SLC25A41: variants seen among roughly 807,000 people sequenced by gnomAD.
The protein encoded by SLC25A41 is mitochondrial carrier protein SCaMC-3L.
SLC25A41 carries 35 observed loss-of-function variants against 34.7 expected under a neutral mutation model. That is an observed-to-expected ratio of 1.01 (90% CI 0.77 to 1.34). SLC25A41 has a LOEUF of 1.34. SLC25A41 is among the 40% of genes most tolerant of loss of function. SLC25A41 has a pLI of 0.00. For synonymous variants in SLC25A41, 190 were observed against 209.9 expected, an observed-to-expected ratio of 0.91 and a Z score of 0.82; for missense variants, 492 against 489.8, an observed-to-expected ratio of 1.00 and a Z score of -0.04.
At position 6,427,197 on chromosome 19, in the gene SLC25A41, G is replaced by A; in HGVS notation, c.846C>T (p.Gly282=). 1 of 1,612,610 alleles carries A rather than the reference G, an allele frequency of 6.2e-7. No individual in the cohort carries two copies. The highest frequency in any genetic ancestry group is 2.2e-5 in the East Asian group (1 of 44,872). Residue 282 remains glycine, a synonymous_variant, in exon 6 of 7, where the codon GGC becomes GGT. Coordinates refer to ENST00000321510, the MANE Select transcript of SLC25A41 (RefSeq NM_173637.4). The surrounding 1 kb of genome is among the most constrained non-coding windows in gnomAD (Gnocchi z 4.9). ...GCGTCACAGACGACAGACTGACCAG[G>A]CCACTGGGGTCCCCCATATCCCTGC... ...KSGRDMGDPS[G]LVSLSSVTLS... is the part of the protein sequence containing the mutation.
chr19:6,429,165 A>ATATATATTATATATATGT (rs2092267559), intron 4 of SLC25A41, among the ~76,000 whole-genome samples: 1 of 7,172 alleles, frequency 1.4e-4, no homozygotes, highest in African/African-American at 5.8e-4. Flanking sequence ...TATATATATA[A>ATATATATTATATATATGT]TATATATATA....
At chr19:6,431,584 C>T (rs1391960196) in intron 2 of SLC25A41, among the ~76,000 whole-genome samples, 1 of 151,946 alleles carries the variant, frequency 6.6e-6, no homozygotes, top group African/African-American at 2.4e-5. Context: ...GGACTACAGG[C>T]ACGCACCACC....
intron 4 of SLC25A41, among the ~76,000 whole-genome samples, chr19:6,429,102 TATATATA>T (rs2092262701): frequency 3.9e-5 from 2 of 50,834 alleles, no homozygotes; most frequent in African/African-American, 1.6e-4. Flanking sequence ...ATGTTACATA[TATATATA>T]ATATATATAT....
At position 6,427,120 on chromosome 19, in the gene SLC25A41, G is replaced by A. The variant is rs573470097; in HGVS notation, c.923C>T (p.Thr308Ile). ...AGGCTGACCTTGGGCCTGCATCCTG[G>A]TGCGCACCAGAGTCAGTGGGTAGCT... ...MASYPLTLVR[T>I]RMQAQDTVEG... The change falls in exon 6 of 7, where the codon ACC (threonine) becomes ATC (isoleucine). Residue 308 changes from threonine (T) to isoleucine (I), a missense_variant. Coordinates refer to ENST00000321510, the MANE Select transcript of SLC25A41 (RefSeq NM_173637.4). This position sits in a 1 kb window ranked among gnomAD's most constrained non-coding sequence, Gnocchi z 4.9. The A allele has an allele frequency of 1.9e-6, 3 of 1,605,236 alleles. No individual in the cohort carries two copies. Among genetic ancestry groups the A allele is most frequent in the African/African-American group, 2.7e-5 (2 of 74,762 alleles).
chr19:6,426,529 C>G lies in SLC25A41; in HGVS notation c.973G>C (p.Gly325Arg). The change falls in exon 7 of 7, where the codon GGA becomes CGA. Residue 325 changes from glycine (G) to arginine (R), a missense_variant. Transcript: ENST00000321510. ...TVEGSNPTMR[G>R]VLQRILAQQG... Reference sequence around the variant, plus strand: ...TGGGCCAGGATCCGCTGGAGGACTCCGCGCATGGTGGGATTTGAGCCCTCC... The same window carrying G: ...TGGGCCAGGATCCGCTGGAGGACTCGGCGCATGGTGGGATTTGAGCCCTCC... 8 of 1,613,270 alleles carry G rather than the reference C, an allele frequency of 5.0e-6. No homozygotes were observed. The highest frequency in any genetic ancestry group is 5.9e-6 in the Non-Finnish European group (7 of 1,179,800).
intron 1 of SLC25A41, 24 bp from the exon 2 acceptor site, chr19:6,432,228 C>T: frequency 6.2e-7 from 1 of 1,606,270 alleles, no homozygotes; most frequent in Non-Finnish European, 8.5e-7. Flanking sequence ...CCGGCCCTCC[C>T]TCATCCTCAG....
At position 6,426,453 on chromosome 19, in the gene SLC25A41, A is replaced by T. The variant is rs1221902894; in HGVS notation, c.1049T>A (p.Val350Asp). 6.2e-7 allele frequency: 1 copy of T among 1,613,550 alleles called. No individual in the cohort carries two copies. Among genetic ancestry groups the T allele is most frequent in the Non-Finnish European group, 8.5e-7 (1 of 1,179,832 alleles). Residue 350 changes from valine (V) to aspartate (D), a missense_variant, in exon 7 of 7, where the codon GTC (valine) becomes GAC (aspartate). By Grantham distance (152) the Val-to-Asp change is radical. Transcript: ENST00000321510. The stretch of plus-strand genomic sequence containing the variant: ...ATAGCTGATGCCACCTGCTGGTAAG[A>T]CCTTCAGTAGCGTGGGGGTCATGCC... ...YRGMTPTLLK[V>D]LPAGGISYVV...
chr19:6,430,595 C>G, intron 2 of SLC25A41: 1 of 348,282 alleles, frequency 2.9e-6, no homozygotes, highest in Non-Finnish European at 5.7e-6. Context: ...TCAGGCGATT[C>G]TCCTGCCTCA....
Position 6,426,314 on chromosome 19 carries a change from A to G in SLC25A41, c.*75T>C, listed in dbSNP as rs533569980. 1 of 1,368,736 alleles carries G rather than the reference A, an allele frequency of 7.3e-7. No individual in the cohort carries two copies. The highest frequency in any genetic ancestry group is 1.4e-5 in the African/African-American group (1 of 69,500). The allele number at this position is 1,368,736 out of a possible 1,614,324, so 84.8% of individuals were successfully genotyped here. On this transcript the variant is annotated 3_prime_UTR_variant, in exon 7 of 7. Coordinates refer to ENST00000321510, the MANE Select transcript of SLC25A41 (RefSeq NM_173637.4). ...CCAGGGCCTGAACCTTGAGGCCTCG[A>G]GGGCTCTTTGGGGCCAGGGGTCATC...
chr19:6,432,792 T>C (rs531854330), intron 1 of SLC25A41, among the ~76,000 whole-genome samples: 1 of 151,628 alleles, frequency 6.6e-6, no homozygotes, highest in East Asian at 1.9e-4. Context: ...TGCCTCAGCC[T>C]CCCCAGTAGC....
Position 6,427,490 on chromosome 19 carries a change from C to T in SLC25A41, c.636G>A (p.Thr212=), listed in dbSNP as rs368068906. Residue 212 remains threonine, a synonymous_variant, in exon 5 of 7, where the codon ACG becomes ACA. Transcript: ENST00000321510. The surrounding 1 kb of genome is among the most constrained non-coding windows in gnomAD (Gnocchi z 4.9). The part of the protein sequence containing the change: ...TLINPMEVLK[T]RLTLRRTGQY... Reference sequence around the variant, plus strand: ...GGCCCGTCCGACGCAAGGTCAACCGCGTCTTCAGCACCTGAGGATGGCGGG... The same window carrying T: ...GGCCCGTCCGACGCAAGGTCAACCGTGTCTTCAGCACCTGAGGATGGCGGG... The T allele has an allele frequency of 2.8e-5, 43 of 1,543,308 alleles. No individual in the cohort carries two copies. The highest frequency in any genetic ancestry group is 2.3e-4 in the African/African-American group (17 of 73,344).
Position 6,426,332 on chromosome 19 carries a change from G to T in SLC25A41, c.*57C>A. 6.5e-7 allele frequency: 1 copy of T among 1,545,794 alleles called. No individual in the cohort carries two copies. Among genetic ancestry groups the T allele is most frequent in the South Asian group, 1.2e-5 (1 of 86,028 alleles). ...GGCCTCGAGGGCTCTTTGGGGCCAG[G>T]GGTCATCAGGTCCTCCTGTCCCATT... On this transcript the variant is annotated 3_prime_UTR_variant, in exon 7 of 7. Transcript: ENST00000321510.
chr19:6,435,725 T>C (rs2092308006), upstream of SLC25A41, among the ~76,000 whole-genome samples: 1 of 152,098 alleles, frequency 6.6e-6, no homozygotes, highest in Non-Finnish European at 1.5e-5. Flanking sequence ...GGTGTGGTCA[T>C]GTGCACCTGT....
At chr19:6,429,391 A>T (rs1432667404) in intron 4 of SLC25A41, among the ~76,000 whole-genome samples, 1 of 170 alleles carries the variant, frequency 5.9e-3, no homozygotes, top group Non-Finnish European at 0.011. Context: ...GGAAGAGGGG[A>T]GGAGAAGGGA....
rs2092238154 is a variant in SLC25A41 at position 6,426,139 on chromosome 19, T to C, written c.*250A>G. On this transcript the variant is annotated 3_prime_UTR_variant, in exon 7 of 7. Transcript: ENST00000321510. ...GGGGCCAGACTGGAGTCCACGTTTCTTGTCTCAGGCTGCACCCTGGGGAGG... is the reference window on the plus strand; with the variant it reads ...GGGGCCAGACTGGAGTCCACGTTTCCTGTCTCAGGCTGCACCCTGGGGAGG... The C allele has an allele frequency of 6.2e-6, 3 of 482,530 alleles. No individual in the cohort carries two copies. The highest frequency in any genetic ancestry group is 1.1e-5 in the Non-Finnish European group (3 of 265,798). The allele number at this position is 482,530 out of a possible 1,614,324, so 29.9% of individuals were successfully genotyped here.
chr19:6,436,124 G>A (rs1015942553), upstream of SLC25A41: 2 of 213,536 alleles, frequency 9.4e-6, no homozygotes, highest in Non-Finnish European at 2.0e-5. Context: ...GCCATGTGAC[G>A]AATTACCCCC....
chr19:6,429,098 C>T (rs202102854), intron 4 of SLC25A41, among the ~76,000 whole-genome samples: 2,144 of 8,246 alleles, frequency 0.26, 419 homozygotes, highest in African/African-American at 0.39. Context: ...ATATATGTTA[C>T]ATATATATAT....
rs1177166286 is a variant in SLC25A41, at chr19:6,429,741, G to A, written c.607C>T (p.Leu203Phe). The change falls in exon 4 of 7, where the codon CTC becomes TTC. Residue 203 changes from leucine to phenylalanine, a missense_variant. Coordinates refer to ENST00000321510, the MANE Select transcript of SLC25A41 (RefSeq NM_173637.4). Reference sequence around the variant, plus strand: ...TCTCTTACCTCCATGGGGTTGATGAGGGTCTGGGAGATGGCCACAGCCAGG... The same window carrying A: ...TCTCTTACCTCCATGGGGTTGATGAAGGTCTGGGAGATGGCCACAGCCAGG... ...GSLAVAISQT[L>F]INPMEVLKTR... The A allele has an allele frequency of 6.2e-7, 1 of 1,603,486 alleles. No homozygotes were observed. Among genetic ancestry groups the A allele is most frequent in the Non-Finnish European group, 8.5e-7 (1 of 1,176,036 alleles).
rs1491568414 is a variant in SLC25A41 at position 6,429,144 on chromosome 19, A to AT, written c.624+579_624+580insA. Among the ~76,000 whole-genome samples the AT allele has an allele frequency of 2.6e-4, 8 of 30,696 alleles. 2 individuals carry two copies. Among genetic ancestry groups the AT allele is most frequent in the African/African-American group, 7.3e-4 (4 of 5,488 alleles). The allele number at this position is 30,696 out of a possible 152,430, so 20.1% of individuals were successfully genotyped here. ...TTATATATATGTTATATATATATAT[A>AT]ATATATATATTATATATATAATATA... On this transcript the variant is annotated intron_variant, in intron 4 of 6. Transcript: ENST00000321510.
Sources: gnomAD v4.1 joint callset for allele counts (sites outside exome capture counted in the v4.1 genomes callset) on GRCh38, gnomAD v4.1.1 for gene constraint, Gnocchi (gnomAD v3.1) non-coding constraint, MANE v1.5 for transcripts, NCBI Gene and HGNC (gene_info 2026-07-23, HGNC 2026-07-21) for gene names.